The following USP6NL variants were observed in gnomAD, a reference collection of about 807,000 sequenced individuals.
USP6NL encodes the protein USP6 N-terminal-like protein.
In USP6NL, 26 loss-of-function variants were observed where a neutral mutation model predicts 61.9. The ratio of observed to expected loss-of-function variants is 0.42; its 90% CI spans 0.31 to 0.58. The LOEUF (loss-of-function observed/expected upper bound fraction) is 0.58. Ranked by LOEUF, USP6NL falls within the 20% of genes least tolerant of loss-of-function variation. The pLI is 0.16. For synonymous variants in USP6NL, 432 were observed against 390.1 expected (o/e 1.11, Z -1.27); for missense variants, 1,114 against 1,034.3 (o/e 1.08, Z -1.06).
chr10:11,463,893 A>T lies in USP6NL; in HGVS notation c.1079-44T>A. The T allele has an allele frequency of 6.9e-7, 1 of 1,447,892 alleles. No homozygotes were observed. The highest frequency in any genetic ancestry group is 9.1e-7 in the Non-Finnish European group (1 of 1,095,996). The allele number at this position is 1,447,892 out of a possible 1,614,324, so 89.7% of individuals were successfully genotyped here. On this transcript the variant is annotated intron_variant, in intron 14 of 14. Transcript: ENST00000609104. This position sits in a 1 kb window ranked among gnomAD's most constrained non-coding sequence, Gnocchi z 6.3. ...GCTAAGTAAGATAATACACGAGTAA[A>T]CAGTAGCCAGTTGAAGCAATCCATT...
Position 11,485,196 on chromosome 10 carries a change from T to C in USP6NL, c.798A>G (p.Lys266=), listed in dbSNP as rs774072280. Residue 266 remains lysine (K), a synonymous_variant, in exon 12 of 15, where the codon AAA becomes AAG. Coordinates refer to ENST00000609104, the MANE Select transcript of USP6NL (RefSeq NM_014688.5). This position sits in a 1 kb window ranked among gnomAD's most constrained non-coding sequence, Gnocchi z 4.8. ...QEIYTSFYTM[K]WFFQCFLDRT... Reference sequence around the variant, plus strand: ...GATCAAGGAAACACTGAAAAAACCATTTCATTGTGTAAAAACTTGTGTAGA... The same window carrying C: ...GATCAAGGAAACACTGAAAAAACCACTTCATTGTGTAAAAACTTGTGTAGA... 4.6e-6 allele frequency: 7 copies of C among 1,536,058 alleles called. No homozygotes were observed. Among genetic ancestry groups the C allele is most frequent in the African/African-American group, 2.8e-5 (2 of 71,870 alleles).
chr10:11,600,881 T>C lies in USP6NL; in HGVS notation c.-83-3164A>G, dbSNP rs567454315. On this transcript the variant is annotated intron_variant, in intron 1 of 14. Coordinates refer to ENST00000609104, the MANE Select transcript of USP6NL (RefSeq NM_014688.5). The surrounding 1 kb of genome is among the most constrained non-coding windows in gnomAD (Gnocchi z 4.1). The stretch of plus-strand genomic sequence containing the variant: ...TACTGGAGAGGCTGAGGCAAGAGAA[T>C]TGCTTGAGCCTGGGAGGTGGAGGCT... Among the ~76,000 whole-genome samples, 13 of 152,142 alleles carry C rather than the reference T, an allele frequency of 8.5e-5. No individual in the cohort carries two copies. Among genetic ancestry groups the C allele is most frequent in the East Asian group, 1.9e-4 (1 of 5,178 alleles).
At chr10:11,588,783 A>G (rs573375220) in intron 2 of USP6NL, among the ~76,000 whole-genome samples, 17 of 151,434 alleles carry the variant, frequency 1.1e-4, no homozygotes, top group African/African-American at 3.9e-4. Flanking sequence ...CTCCATTTTT[A>G]TAATACAAAT....
At chr10:11,515,667 C>T (rs1834923200) in intron 5 of USP6NL, among the ~76,000 whole-genome samples, 1 of 152,162 alleles carries the variant, frequency 6.6e-6, no homozygotes, top group South Asian at 2.1e-4. Flanking sequence ...CGGAAGTATT[C>T]TGTGCTGTGT....
At chr10:11,567,100 C>G (rs1196830339) in intron 2 of USP6NL, among the ~76,000 whole-genome samples, 1 of 152,180 alleles carries the variant, frequency 6.6e-6, no homozygotes, top group Non-Finnish European at 1.5e-5. Context: ...GCTGACAGAG[C>G]CTGACCTTGT....
chr10:11,465,897 T>C lies in USP6NL; in HGVS notation c.1079-2048A>G, dbSNP rs1157631010. ...AAAAAGTCACCTACTTCATTATTTGTGATAATTTGCTTGTATGGTCCTAGC... is the reference window on the plus strand; with the variant it reads ...AAAAAGTCACCTACTTCATTATTTGCGATAATTTGCTTGTATGGTCCTAGC... On this transcript the variant is annotated intron_variant, in intron 14 of 14. Coordinates refer to ENST00000609104, the MANE Select transcript of USP6NL (RefSeq NM_014688.5). The surrounding 1 kb of genome is among the most constrained non-coding windows in gnomAD (Gnocchi z 4.5). 6.6e-6 allele frequency among the ~76,000 whole-genome samples: 1 copy of C among 152,252 alleles called. No individual in the cohort carries two copies. The highest frequency in any genetic ancestry group is 2.1e-4 in the South Asian group (1 of 4,832).
chr10:11,547,074 C>A (rs1836297525), intron 2 of USP6NL, among the ~76,000 whole-genome samples: 1 of 152,124 alleles, frequency 6.6e-6, no homozygotes, highest in Non-Finnish European at 1.5e-5. Flanking sequence ...TCTGATTCAA[C>A]AGAATTCCTA....
At chr10:11,555,291 T>C (rs1836649184) in intron 2 of USP6NL, among the ~76,000 whole-genome samples, 1 of 148,384 alleles carries the variant, frequency 6.7e-6, no homozygotes, top group Non-Finnish European at 1.5e-5. Flanking sequence ...GGCAGGCACC[T>C]GTAACCCCAG....
At chr10:11,503,065 T>G (rs1834280082) in intron 6 of USP6NL, among the ~76,000 whole-genome samples, 1 of 152,240 alleles carries the variant, frequency 6.6e-6, no homozygotes, top group East Asian at 1.9e-4. Flanking sequence ...TAGTAAACTG[T>G]GATTTTAAAG....
At chr10:11,486,117 ATCT>A (rs547127844) in intron 10 of USP6NL, among the ~76,000 whole-genome samples, 112 of 151,432 alleles carry the variant, frequency 7.4e-4, no homozygotes, top group African/African-American at 2.7e-3. Flanking sequence ...TTTGCTAAAG[ATCT>A]TCTATAACTT....
intron 2 of USP6NL, among the ~76,000 whole-genome samples, chr10:11,570,882 G>A (rs1474071072): frequency 2.0e-5 from 3 of 151,984 alleles, no homozygotes; most frequent in Non-Finnish European, 4.4e-5. Context: ...GTTATCACTC[G>A]CCCCATCCTT....
intron 2 of USP6NL, chr10:11,573,633 TTGA>T (rs1374016999): frequency 2.5e-6 from 1 of 398,972 alleles, no homozygotes; most frequent in African/African-American, 2.1e-5. Context: ...GCTTTTTGCC[TTGA>T]TGGTGTCACC....
rs1336703230 is a variant in USP6NL at position 11,574,446 on chromosome 10, C to G, written c.4+23185G>C. Among the ~76,000 whole-genome samples, 2 of 152,198 alleles carry G rather than the reference C, an allele frequency of 1.3e-5. No homozygotes were observed. Among genetic ancestry groups the G allele is most frequent in the Admixed American group, 1.3e-4 (2 of 15,276 alleles). On this transcript the variant is annotated intron_variant, in intron 2 of 14. Transcript: ENST00000609104. The surrounding 1 kb of genome is among the most constrained non-coding windows in gnomAD (Gnocchi z 4.3). ...CCAGATAATTTCAAAACAAGTATAACCACTGCTCCTTCCATATGATGTTTA... is the reference window on the plus strand; with the variant it reads ...CCAGATAATTTCAAAACAAGTATAAGCACTGCTCCTTCCATATGATGTTTA...
At chr10:11,590,949 A>G (rs1363945057) in intron 2 of USP6NL, among the ~76,000 whole-genome samples, 3 of 152,160 alleles carry the variant, frequency 2.0e-5, no homozygotes, top group Non-Finnish European at 4.4e-5. Context: ...TTTACCCAAT[A>G]GATGTACTCC....
At chr10:11,509,092 G>A (rs1412629847) in intron 6 of USP6NL, among the ~76,000 whole-genome samples, 4 of 152,130 alleles carry the variant, frequency 2.6e-5, no homozygotes, top group Non-Finnish European at 4.4e-5. Context: ...CAAACTCAAC[G>A]CAAGGCAAAA....
Position 11,463,263 on chromosome 10 carries a change from T to C in USP6NL, c.1665A>G (p.Pro555=). 6.2e-7 allele frequency: 1 copy of C among 1,613,774 alleles called. No homozygotes were observed. Among genetic ancestry groups the C allele is most frequent in the Non-Finnish European group, 8.5e-7 (1 of 1,179,892 alleles). The part of the protein sequence containing the change: ...GSTASQYDNV[P]GPELDSGASV... Reference sequence around the variant, plus strand: ...AAGCGCCGCTGTCCAGCTCCGGGCCTGGCACGTTGTCGTACTGCGATGCAG... The same window carrying C: ...AAGCGCCGCTGTCCAGCTCCGGGCCCGGCACGTTGTCGTACTGCGATGCAG... The change falls in exon 15 of 15, where the codon CCA becomes CCG. Residue 555 remains proline (P), a synonymous_variant. Transcript: ENST00000609104. The surrounding 1 kb of genome is among the most constrained non-coding windows in gnomAD (Gnocchi z 6.3).
intron 2 of USP6NL, among the ~76,000 whole-genome samples, chr10:11,578,232 G>C (rs1183775895): frequency 1.3e-5 from 2 of 152,154 alleles, no homozygotes; most frequent in Non-Finnish European, 2.9e-5. Context: ...GCCTCCCAAA[G>C]AGCTGGGATT....
chr10:11,545,715 A>G (rs1836247901), intron 2 of USP6NL, among the ~76,000 whole-genome samples: 1 of 148,636 alleles, frequency 6.7e-6, no homozygotes, highest in African/African-American at 2.4e-5. Flanking sequence ...TGTACCTACC[A>G]GATGAGATTT....
At position 11,462,255 on chromosome 10, in the gene USP6NL, T is replaced by G; in HGVS notation, c.*186A>C. On this transcript the variant is annotated 3_prime_UTR_variant, in exon 15 of 15. Coordinates refer to ENST00000609104, the MANE Select transcript of USP6NL (RefSeq NM_014688.5). ...TCTAACAGGTCAGTGATGATGCAAT[T>G]GAAACGCTCATCTTAAGCAGCATCT... 2 of 697,294 alleles carry G rather than the reference T, an allele frequency of 2.9e-6. No homozygotes were observed. Among genetic ancestry groups the G allele is most frequent in the East Asian group, 5.6e-5 (2 of 35,950 alleles). The allele number at this position is 697,294 out of a possible 1,614,324, so 43.2% of individuals were successfully genotyped here.
Sources: allele counts gnomAD v4.1 joint callset (sites outside exome capture counted in the v4.1 genomes callset), GRCh38; gene constraint gnomAD v4.1.1; non-coding constraint Gnocchi (gnomAD v3.1); transcripts MANE v1.5; gene names NCBI Gene and HGNC (gene_info 2026-07-23, HGNC 2026-07-21).